OPN3: variants seen among roughly 807,000 people sequenced by gnomAD.
OPN3 encodes opsin 3, also known as opsin-3.
Under a neutral mutation model 33.8 loss-of-function variants are expected in OPN3, and 29 were observed. The ratio of observed to expected loss-of-function variants is 0.86; its 90% CI spans 0.64 to 1.17. The LOEUF (loss-of-function observed/expected upper bound fraction) is 1.17, where lower values mean the gene tolerates loss of function less well. OPN3 is among the 50% of genes most tolerant of loss of function. The pLI is 0.00. For synonymous variants in OPN3, 216 were observed against 216.1 expected, an observed-to-expected ratio of 1.00 and a Z score of 0.00; for missense variants, 437 against 514.1, an observed-to-expected ratio of 0.85 and a Z score of 1.45.
At chr1:241,613,265 T>C (rs1664042783) in intron 1 of OPN3, among the ~76,000 whole-genome samples, 1 of 152,172 alleles carries the variant, frequency 6.6e-6, no homozygotes, top group African/African-American at 2.4e-5. Context: ...CACTTAATCT[T>C]CATAACAACT....
chr1:241,639,967 G>C lies in OPN3; in HGVS notation c.288C>G (p.Thr96=). 6.2e-7 allele frequency: 1 copy of C among 1,612,126 alleles called. No homozygotes were observed. Among genetic ancestry groups the C allele is most frequent in the Non-Finnish European group, 8.5e-7 (1 of 1,179,252 alleles). Residue 96 remains threonine (T), a synonymous_variant, in exon 1 of 4, where the codon ACC becomes ACG. Transcript: ENST00000366554. ...TCCTCAGGCAGGACACGAAGGTAAA[G>C]GTGACCCCGAAGAGGGACACCAGCA... ...SDLLVSLFGV[T]FTFVSCLRNG...
intron 1 of OPN3, among the ~76,000 whole-genome samples, chr1:241,625,138 T>A (rs1389131673): frequency 6.6e-6 from 1 of 152,212 alleles, no homozygotes; most frequent in Non-Finnish European, 1.5e-5. Context: ...TAGTTAAAGT[T>A]CTTATCTGCA....
At chr1:241,634,059 A>G (rs779100962) in intron 1 of OPN3, 1 of 1,612,722 alleles carries the variant, frequency 6.2e-7, no homozygotes, top group South Asian at 1.1e-5. Context: ...TTGGAAGGCA[A>G]GCCATTATAC....
intron 1 of OPN3, chr1:241,632,645 G>A (rs1368374644): frequency 6.6e-6 from 1 of 152,136 alleles, no homozygotes; most frequent in Non-Finnish European, 1.5e-5. Flanking sequence ...TAAGAGGCAA[G>A]AGAGATTACA....
intron 3 of OPN3, 45 bp from the exon 4 acceptor site, chr1:241,594,736 C>T: frequency 6.3e-7 from 1 of 1,587,716 alleles, no homozygotes; most frequent in Non-Finnish European, 8.6e-7. Flanking sequence ...AAAAGTTGGG[C>T]ACTAATCTGG....
In OPN3 at chr1:241,594,311, TG is replaced by T; in HGVS notation, c.*116del. 8.5e-7 allele frequency: 1 copy of T among 1,176,834 alleles called. No homozygotes were observed. Among genetic ancestry groups the T allele is most frequent in the Non-Finnish European group, 1.2e-6 (1 of 837,176 alleles). 72.9% of individuals were successfully genotyped at this position (1,176,834 alleles called of 1,614,324 possible). The stretch of plus-strand genomic sequence containing the variant: ...CATATGGGCAATTCGGATTTCCTGC[TG>T]GACCACAAGGTTCTGTTGATATTAC... On this transcript the variant is annotated 3_prime_UTR_variant, in exon 4 of 4. Transcript: ENST00000366554.
chr1:241,634,428 A>G (rs1558447499), intron 1 of OPN3: 5 of 1,613,810 alleles, frequency 3.1e-6, no homozygotes, highest in East Asian at 2.2e-5. Context: ...TGCACATTTG[A>G]GCATGTTTCC....
chr1:241,634,638 A>C, intron 1 of OPN3: 2 of 1,613,972 alleles, frequency 1.2e-6, no homozygotes, highest in Non-Finnish European at 1.7e-6. Flanking sequence ...TACAAGGGAA[A>C]TAAAAAGGGG....
chr1:241,636,292 G>A (rs946727704), intron 1 of OPN3, among the ~76,000 whole-genome samples: 5 of 152,086 alleles, frequency 3.3e-5, no homozygotes, highest in African/African-American at 1.2e-4. Context: ...TAGTAATAGA[G>A]AATGAACATA....
intron 1 of OPN3, among the ~76,000 whole-genome samples, chr1:241,626,980 T>C (rs2148017134): frequency 6.6e-6 from 1 of 152,322 alleles, no homozygotes; most frequent in East Asian, 1.9e-4. Flanking sequence ...TTGTCAACCC[T>C]GCACCTCTGA....
chr1:241,604,217 TG>T, intron 2 of OPN3, 42 bp downstream of exon 2: 1 of 1,562,160 alleles, frequency 6.4e-7, no homozygotes, highest in Non-Finnish European at 8.8e-7. Context: ...TTTTCTACCC[TG>T]GATGTGGTTT....
intron 1 of OPN3, among the ~76,000 whole-genome samples, chr1:241,608,644 G>C (rs1184206600): frequency 1.3e-5 from 2 of 152,156 alleles, no homozygotes; most frequent in African/African-American, 4.8e-5. Flanking sequence ...GATAAGTCAG[G>C]GTGCAAGAGG....
At chr1:241,604,238 G>A (rs1663758907) in intron 2 of OPN3, 22 bp downstream of exon 2, 4 of 1,597,086 alleles carry the variant, frequency 2.5e-6, no homozygotes, top group Non-Finnish European at 3.4e-6. Flanking sequence ...TGGGAGGGGG[G>A]CATCTGTAGT....
chr1:241,620,114 G>T (rs1043663445), intron 1 of OPN3, among the ~76,000 whole-genome samples: 1 of 151,830 alleles, frequency 6.6e-6, no homozygotes, highest in African/African-American at 2.4e-5. Context: ...GGGTGGGGGT[G>T]TTAAATAAAG....
intron 1 of OPN3, chr1:241,633,911 T>A (rs1664753728): frequency 6.2e-7 from 1 of 1,613,754 alleles, no homozygotes; most frequent in South Asian, 1.1e-5. Flanking sequence ...ATCATCACCA[T>A]CAAAGATAAT....
chr1:241,598,004 A>G lies in OPN3; in HGVS notation c.694-7T>C, dbSNP rs949468028. On this transcript the variant is annotated splice_region_variant and splice_polypyrimidine_tract_variant and intron_variant, in intron 2 of 3. Coordinates refer to ENST00000366554, the MANE Select transcript of OPN3 (RefSeq NM_014322.3). The stretch of plus-strand genomic sequence containing the variant: ...GATCTTCCACACAACGAAGCTGCAG[A>G]AAGGAGAAAGAAAGGAAAGGGCTTA... The G allele has an allele frequency of 2.5e-6, 4 of 1,610,534 alleles. No individual in the cohort carries two copies. The highest frequency in any genetic ancestry group is 2.2e-5 in the East Asian group (1 of 44,708).
chr1:241,622,822 C>T (rs1361276661), intron 1 of OPN3, among the ~76,000 whole-genome samples: 5 of 152,106 alleles, frequency 3.3e-5, no homozygotes, highest in Admixed American at 3.3e-4. Context: ...AGTGGGTAAT[C>T]TTATGTAACT....
chr1:241,596,201 G>A (rs898141474), intron 3 of OPN3, among the ~76,000 whole-genome samples: 7 of 152,170 alleles, frequency 4.6e-5, no homozygotes, highest in Non-Finnish European at 8.8e-5. Context: ...GTTAGTTAAT[G>A]TATTTTAATT....
chr1:241,604,541 C>T lies in OPN3; in HGVS notation c.412G>A (p.Glu138Lys). 6.2e-7 allele frequency: 1 copy of T among 1,613,886 alleles called. No homozygotes were observed. Among genetic ancestry groups the T allele is most frequent in the African/African-American group, 1.3e-5 (1 of 75,016 alleles). The change falls in exon 2 of 4, where the codon GAA becomes AAA. Residue 138 changes from glutamate to lysine, a missense_variant. Glu to Lys is a moderately conservative substitution (Grantham distance 56). Transcript: ENST00000366554. ...SIATLTVLAYERYIRVVHARV... is the reference protein window; with the variant it reads ...SIATLTVLAYKRYIRVVHARV... ...GCATGGACCACGCGAATGTAACGTT[C>T]ATAGGCCAGCACGGTTAGGGTGGCA...
Sources: allele counts gnomAD v4.1 joint callset (sites outside exome capture counted in the v4.1 genomes callset), GRCh38; gene constraint gnomAD v4.1.1; transcripts MANE v1.5; gene names NCBI Gene and HGNC (gene_info 2026-07-23, HGNC 2026-07-21).